SLC39A11: variants seen among roughly 807,000 people sequenced by gnomAD.
SLC39A11 encodes the protein solute carrier family 39 member 11, also known as zinc transporter ZIP11.
SLC39A11 carries 33 observed loss-of-function variants against 36.1 expected under a neutral mutation model. The observed-to-expected ratio is 0.91, with a 90% confidence interval of 0.69 to 1.22. The LOEUF is 1.22. SLC39A11 is among the 50% of genes most tolerant of loss of function. SLC39A11 has a pLI of 0.00. For synonymous variants in SLC39A11, 166 were observed against 170.3 expected (o/e 0.97, Z 0.20); for missense variants, 432 against 430.3 (o/e 1.00, Z -0.03).
chr17:72,680,393 T>G (rs1234224940), intron 7 of SLC39A11, among the ~76,000 whole-genome samples: 1 of 152,228 alleles, frequency 6.6e-6, no homozygotes, highest in Non-Finnish European at 1.5e-5. Flanking sequence ...AATTCCCATA[T>G]GTCACGGAAG....
At chr17:72,867,529 G>A (rs1055526004) in intron 5 of SLC39A11, among the ~76,000 whole-genome samples, 1 of 151,986 alleles carries the variant, frequency 6.6e-6, no homozygotes, top group Non-Finnish European at 1.5e-5. Context: ...AAAGGAAAGG[G>A]AGACACAGAC....
At chr17:72,832,160 T>G (rs933889365) in intron 6 of SLC39A11, among the ~76,000 whole-genome samples, 1 of 152,118 alleles carries the variant, frequency 6.6e-6, no homozygotes, top group African/African-American at 2.4e-5. Context: ...GGATGAGCCG[T>G]GAATGAGGAT....
chr17:72,745,745 CAGA>C (rs1317247024), intron 6 of SLC39A11, among the ~76,000 whole-genome samples: 7 of 152,100 alleles, frequency 4.6e-5, no homozygotes, highest in African/African-American at 9.7e-5. Context: ...AAGTTATAGC[CAGA>C]AGAAGTCTAG....
chr17:72,777,078 T>C (rs1006107604), intron 6 of SLC39A11, among the ~76,000 whole-genome samples: 1 of 152,194 alleles, frequency 6.6e-6, no homozygotes, highest in African/African-American at 2.4e-5. Flanking sequence ...ACTGTTATCA[T>C]TGGGATCTGG....
At chr17:72,905,172 CAAAAAAAAAAAAAAAA>C (rs58702930) in intron 5 of SLC39A11, among the ~76,000 whole-genome samples, 1 of 42,902 alleles carries the variant, frequency 2.3e-5, no homozygotes, top group East Asian at 1.1e-3. Flanking sequence ...GACTCCATCT[CAAAAAAAAAAAAAAAA>C]AAAAAAAAAA....
At chr17:72,936,349 T>C (rs2147516374) in intron 5 of SLC39A11, among the ~76,000 whole-genome samples, 1 of 147,390 alleles carries the variant, frequency 6.8e-6, no homozygotes, top group African/African-American at 2.5e-5. Context: ...CCTGGCATCC[T>C]TGTTTTGGTG....
intron 6 of SLC39A11, among the ~76,000 whole-genome samples, chr17:72,785,503 A>C (rs1205608074): frequency 6.6e-6 from 1 of 152,198 alleles, no homozygotes; most frequent in African/African-American, 2.4e-5. Context: ...CCATCTCCGA[A>C]GGGGAGAGAG....
intron 4 of SLC39A11, among the ~76,000 whole-genome samples, chr17:72,978,835 T>A (rs2088070788): frequency 6.6e-6 from 1 of 152,214 alleles, no homozygotes; most frequent in South Asian, 2.1e-4. Context: ...TCTGTTATCA[T>A]TGAACACTTA....
In SLC39A11 at chr17:72,988,460, C is replaced by CAAACA. The variant is rs539765242; in HGVS notation, c.307-40590_307-40586dup. Among the ~76,000 whole-genome samples, 350 of 152,170 alleles carry CAAACA rather than the reference C, an allele frequency of 2.3e-3. 2 individuals carry two copies. Among genetic ancestry groups the CAAACA allele is most frequent in the African/African-American group, 8.0e-3 (334 of 41,532 alleles). ...TAGGTGACAGAGCGAGAACTTGTCTCAAACAAAACAAAACAAAACAAAACA... is the reference window on the plus strand; with the variant it reads ...TAGGTGACAGAGCGAGAACTTGTCTCAAACAAAACAAAACAAAACAAAACAAAACA... On this transcript the variant is annotated intron_variant, in intron 4 of 9. Transcript: ENST00000255559.
chr17:73,045,386 TAAAAAAAAAAAAAA>T (rs374832995), intron 3 of SLC39A11, among the ~76,000 whole-genome samples: 2 of 41,704 alleles, frequency 4.8e-5, no homozygotes, highest in African/African-American at 1.1e-4. Flanking sequence ...AAAACAGAGT[TAAAAAAAAAAAAAA>T]AAAAAAAAAA....
intron 5 of SLC39A11, among the ~76,000 whole-genome samples, chr17:72,916,531 G>A (rs1022173586): frequency 6.6e-6 from 1 of 152,052 alleles, no homozygotes; most frequent in African/African-American, 2.4e-5. Context: ...GGGCACTGCT[G>A]CCACTTTTCC....
intron 5 of SLC39A11, among the ~76,000 whole-genome samples, chr17:72,858,064 G>A (rs2079754234): frequency 1.3e-5 from 2 of 152,136 alleles, no homozygotes; most frequent in South Asian, 4.2e-4. Context: ...CCTATGTCCA[G>A]AATGGTATTT....
chr17:73,089,553 G>A (rs541077129), intron 1 of SLC39A11, among the ~76,000 whole-genome samples: 3 of 152,254 alleles, frequency 2.0e-5, no homozygotes, highest in African/African-American at 7.2e-5. Flanking sequence ...CCCTGTCCTA[G>A]CATGCAGCTT....
intron 7 of SLC39A11, among the ~76,000 whole-genome samples, chr17:72,699,251 C>A (rs1466758754): frequency 6.6e-6 from 1 of 152,204 alleles, no homozygotes; most frequent in Admixed American, 6.5e-5. Flanking sequence ...AATACACTAA[C>A]ACTAAGGCAG....
intron 5 of SLC39A11, among the ~76,000 whole-genome samples, chr17:72,940,352 T>C (rs2085030533): frequency 6.6e-6 from 1 of 151,526 alleles, no homozygotes; most frequent in Non-Finnish European, 1.5e-5. Flanking sequence ...CTCAGCTCAC[T>C]GTAACCTCTA....
At chr17:73,000,284 T>C (rs1215116677) in intron 4 of SLC39A11, among the ~76,000 whole-genome samples, 1 of 146,662 alleles carries the variant, frequency 6.8e-6, no homozygotes, top group African/African-American at 2.5e-5. Context: ...TTCTCCCCTC[T>C]CTCTCTGCCT....
chr17:72,700,481 G>A (rs190375992), intron 7 of SLC39A11, among the ~76,000 whole-genome samples: 14 of 152,290 alleles, frequency 9.2e-5, no homozygotes, highest in South Asian at 8.3e-4. Flanking sequence ...AAGATACACC[G>A]CCATGAAAGG....
At chr17:73,086,478 C>G (rs1419726381) in intron 2 of SLC39A11, among the ~76,000 whole-genome samples, 1 of 152,168 alleles carries the variant, frequency 6.6e-6, no homozygotes, top group Non-Finnish European at 1.5e-5. Flanking sequence ...TATGGACATT[C>G]TTTGAAGTGA....
At chr17:72,921,522 C>T (rs987722027) in intron 5 of SLC39A11, among the ~76,000 whole-genome samples, 5 of 152,184 alleles carry the variant, frequency 3.3e-5, no homozygotes, top group African/African-American at 9.7e-5. Context: ...GAATGCATGA[C>T]ATCTGTGCCT....
Sources: allele counts gnomAD v4.1 joint callset (sites outside exome capture counted in the v4.1 genomes callset), GRCh38; gene constraint gnomAD v4.1.1; transcripts MANE v1.5; gene names NCBI Gene and HGNC (gene_info 2026-07-23, HGNC 2026-07-21).